The following SLFN14 variants were observed in gnomAD, a reference collection of about 807,000 sequenced individuals.
SLFN14 encodes protein SLFN14.
In SLFN14, 47 loss-of-function variants were observed where a neutral mutation model predicts 58.6. That is an observed-to-expected ratio of 0.80 (90% CI 0.64 to 1.02). SLFN14 has a LOEUF of 1.02. Among genes scored for constraint, SLFN14 ranks in the 50% least tolerant of loss-of-function variants. The pLI is 0.00. For missense variants in SLFN14, 967 were observed against 1,078.4 expected (o/e 0.90, Z 1.45); for synonymous variants, 390 against 387.3 (o/e 1.01, Z -0.08).
At position 35,546,368 on chromosome 17, in the gene SLFN14, AC is replaced by A. The variant is rs1055013760; in HGVS notation, c.*1870del. 6.6e-6 allele frequency among the ~76,000 whole-genome samples: 1 copy of A among 152,142 alleles called. No homozygotes were observed. Among genetic ancestry groups the A allele is most frequent in the African/African-American group, 2.4e-5 (1 of 41,438 alleles). On this transcript the variant is annotated 3_prime_UTR_variant, in exon 6 of 6. Transcript: ENST00000674182. ...AGCAAGGGAGAGGTTTTTCTTTTCA[AC>A]CCGTGCCTAGGTACAGACTAGCCCT...
At chr17:35,550,407 G>A (rs1166000348) in intron 5 of SLFN14, among the ~76,000 whole-genome samples, 5 of 152,102 alleles carry the variant, frequency 3.3e-5, no homozygotes, top group Non-Finnish European at 7.3e-5. Context: ...TTAGCTAGGC[G>A]TGGTGATGCA....
rs1334209563 is a variant in SLFN14, at chr17:35,544,233, T to C, written c.*4006A>G. 6.6e-6 allele frequency among the ~76,000 whole-genome samples: 1 copy of C among 152,172 alleles called. No homozygotes were observed. The highest frequency in any genetic ancestry group is 1.5e-5 in the Non-Finnish European group (1 of 68,046). The stretch of plus-strand genomic sequence containing the variant: ...TCTGTGCACATCAGAACTACTAACA[T>C]TCCAAGTCACATGACCAAGGCCACA... On this transcript the variant is annotated 3_prime_UTR_variant, in exon 6 of 6. Coordinates refer to ENST00000674182, the MANE Select transcript of SLFN14 (RefSeq NM_001129820.2).
In SLFN14 at chr17:35,548,421, TGG is replaced by T; in HGVS notation, c.2555_2556del (p.Ala852AspfsTer28). 6.4e-7 allele frequency: 1 copy of T among 1,551,716 alleles called. No individual in the cohort carries two copies. Among genetic ancestry groups the T allele is most frequent in the Non-Finnish European group, 8.7e-7 (1 of 1,146,992 alleles). ...ACAATGTGACTTCCCCAAACACCGGTGGCCGGGCTAAACACAACCTCTGATGG... is the reference window on the plus strand; with the variant it reads ...ACAATGTGACTTCCCCAAACACCGGTCCGGGCTAAACACAACCTCTGATGG... ...HRPSEVVFSP[A>X]TGVWGSHIVL... On this transcript the variant is annotated frameshift_variant, in exon 6 of 6. Transcript: ENST00000674182. LOFTEE classifies it high-confidence loss of function.
rs321611 is a variant in SLFN14, at chr17:35,554,434, T to G, written c.1189+142A>C. 161,369 of 217,682 alleles carry G rather than the reference T, an allele frequency of 0.74. 61,323 individuals are homozygous for G. Among genetic ancestry groups the G allele is most frequent in the African/African-American group, 0.95 (39,092 of 41,366 alleles). 13.5% of individuals were successfully genotyped at this position (217,682 alleles called of 1,614,324 possible). Reference sequence around the variant, plus strand: ...TATATTATATATATAATATATATATTTCAAATTTCAGGATCATTATGTCGC... The same window carrying G: ...TATATTATATATATAATATATATATGTCAAATTTCAGGATCATTATGTCGC... On this transcript the variant is annotated intron_variant, in intron 4 of 5. Transcript: ENST00000674182.
Position 35,548,180 on chromosome 17 carries a change from A to G in SLFN14, c.*59T>C. On this transcript the variant is annotated 3_prime_UTR_variant, in exon 6 of 6. Coordinates refer to ENST00000674182, the MANE Select transcript of SLFN14 (RefSeq NM_001129820.2). ...GTAATATTAAAATGGAGTCACTGCT[A>G]CCTGTCTAGGAGAAAGGACTCTGCT... 1 of 1,450,800 alleles carries G rather than the reference A, an allele frequency of 6.9e-7. No homozygotes were observed. Among genetic ancestry groups the G allele is most frequent in the Non-Finnish European group, 9.3e-7 (1 of 1,076,788 alleles). 89.9% of individuals were successfully genotyped at this position (1,450,800 alleles called of 1,614,324 possible).
Position 35,548,578 on chromosome 17 carries a change from T to G in SLFN14, c.2400A>C (p.Arg800Ser). 6.4e-7 allele frequency: 1 copy of G among 1,551,770 alleles called. No individual in the cohort carries two copies. The highest frequency in any genetic ancestry group is 8.7e-7 in the Non-Finnish European group (1 of 1,147,004). Residue 800 changes from arginine (R) to serine (S), a missense_variant, in exon 6 of 6, where the codon AGA becomes AGC. Arg to Ser is a moderately radical substitution (Grantham distance 110). Transcript: ENST00000674182. ...TTEQIANYVA[R>S]KCHSLFQCGY... ...CACACTGGAACAGGCTGTGACATTT[T>G]CTTGCCACATAGTTAGCTATTTGTT...
rs1386717592 is a variant in SLFN14 at position 35,544,463 on chromosome 17, A to G, written c.*3776T>C. On this transcript the variant is annotated 3_prime_UTR_variant, in exon 6 of 6. Coordinates refer to ENST00000674182, the MANE Select transcript of SLFN14 (RefSeq NM_001129820.2). ...GTGAAAATATTTTTCCATATCAACAAAGAATAGAAATAAATAAGCAAAAAT... is the reference window on the plus strand; with the variant it reads ...GTGAAAATATTTTTCCATATCAACAGAGAATAGAAATAAATAAGCAAAAAT... Among the ~76,000 whole-genome samples the G allele has an allele frequency of 6.6e-6, 1 of 152,184 alleles. No individual in the cohort carries two copies. Among genetic ancestry groups the G allele is most frequent in the African/African-American group, 2.4e-5 (1 of 41,438 alleles).
chr17:35,559,053 TA>T (rs33995321), intron 2 of SLFN14, among the ~76,000 whole-genome samples: 636 of 139,986 alleles, frequency 4.5e-3, no homozygotes, highest in Middle Eastern at 0.011. Flanking sequence ...CGACAAAAGA[TA>T]AAAAAAAAAA....
Position 35,547,489 on chromosome 17 carries a change from G to A in SLFN14, c.*750C>T, listed in dbSNP as rs1431376927. Among the ~76,000 whole-genome samples the A allele has an allele frequency of 6.6e-6, 1 of 152,112 alleles. No individual in the cohort carries two copies. The highest frequency in any genetic ancestry group is 2.4e-5 in the African/African-American group (1 of 41,426). ...ATTTGGCTTCCTATATTACTGTTGA[G>A]GGCACTGATTAGCAAAAGCATTTGA... On this transcript the variant is annotated 3_prime_UTR_variant, in exon 6 of 6. Coordinates refer to ENST00000674182, the MANE Select transcript of SLFN14 (RefSeq NM_001129820.2).
chr17:35,557,937 A>G lies in SLFN14; in HGVS notation c.126T>C (p.Asn42=). 6.4e-7 allele frequency: 1 copy of G among 1,551,658 alleles called. No homozygotes were observed. The highest frequency in any genetic ancestry group is 1.2e-5 in the South Asian group (1 of 84,058). Reference sequence around the variant, plus strand: ...CACATATAGCCCGGATAATTCTAGAATTCTCAGATCTTTTCAAACAGCTGT... The same window carrying G: ...CACATATAGCCCGGATAATTCTAGAGTTCTCAGATCTTTTCAAACAGCTGT... ...MTNSCLKRSE[N]SRIIRAICAL... Residue 42 remains asparagine (N), a synonymous_variant, in exon 3 of 6, where the codon AAT becomes AAC. Transcript: ENST00000674182.
intron 4 of SLFN14, 63 bp downstream of exon 4, chr17:35,554,513 A>G: frequency 2.8e-6 from 4 of 1,428,856 alleles, no homozygotes; most frequent in East Asian, 2.8e-5. Context: ...CATTACTACT[A>G]ACACCTCCCA....
Position 35,557,661 on chromosome 17 carries a change from A to C in SLFN14, c.402T>G (p.Asp134Glu). Residue 134 changes from aspartate (D) to glutamate (E), a missense_variant, in exon 3 of 6, where the codon GAT becomes GAG. Physicochemically the swap from Asp to Glu is conservative, Grantham distance 45 (BLOSUM62 2). Coordinates refer to ENST00000674182, the MANE Select transcript of SLFN14 (RefSeq NM_001129820.2). ...CACTCAAGTTGATAGCAGAAGTCAC[A>C]TCTCTCCGATACAAATTGGAGCGCA... ...CSLRSNLYRR[D>E]VTSAINLSAS... The C allele has an allele frequency of 6.4e-7, 1 of 1,551,734 alleles. No individual in the cohort carries two copies. The highest frequency in any genetic ancestry group is 8.7e-7 in the Non-Finnish European group (1 of 1,146,984).
chr17:35,554,838 A>T (rs1038379942), intron 3 of SLFN14, 134 bp from the exon 4 acceptor site: 2 of 646,368 alleles, frequency 3.1e-6, no homozygotes, highest in African/African-American at 3.8e-5. Flanking sequence ...CGTACTTACT[A>T]TGCGTCAGAC....
chr17:35,554,954 C>T (rs2072637171), intron 3 of SLFN14, among the ~76,000 whole-genome samples: 1 of 152,124 alleles, frequency 6.6e-6, no homozygotes, highest in Non-Finnish European at 1.5e-5. Context: ...TTTCACCTCT[C>T]TCTCACGCTG....
intron 5 of SLFN14, 68 bp from the exon 6 acceptor site, chr17:35,549,141 T>G: frequency 4.0e-6 from 5 of 1,240,490 alleles, no homozygotes; most frequent in East Asian, 2.5e-5. Flanking sequence ...CATTACTCTC[T>G]GGAATGGAAT....
Position 35,552,937 on chromosome 17 carries a change from T to C in SLFN14, c.1697A>G (p.Glu566Gly). ...CTCCATTATGAGCAAGTTGAAAAATTCACAGCCCATCTGGTCACTCAGAAG... is the reference window on the plus strand; with the variant it reads ...CTCCATTATGAGCAAGTTGAAAAATCCACAGCCCATCTGGTCACTCAGAAG... Reference protein sequence around the residue: ...RSLLSDQMGCEFFNLLIMEQS... With the variant: ...RSLLSDQMGCGFFNLLIMEQS... Residue 566 changes from glutamate to glycine, a missense_variant, in exon 5 of 6, where the codon GAA (glutamate) becomes GGA (glycine). Physicochemically the swap from Glu to Gly is moderately conservative, Grantham distance 98 (BLOSUM62 -2). Coordinates refer to ENST00000674182, the MANE Select transcript of SLFN14 (RefSeq NM_001129820.2). The C allele has an allele frequency of 2.6e-6, 4 of 1,551,500 alleles. No homozygotes were observed. Among genetic ancestry groups the C allele is most frequent in the Non-Finnish European group, 3.5e-6 (4 of 1,146,970 alleles).
In SLFN14 at chr17:35,557,352, G is replaced by A; in HGVS notation, c.711C>T (p.Asn237=). Residue 237 remains asparagine, a synonymous_variant, in exon 3 of 6, where the codon AAC becomes AAT. Transcript: ENST00000674182. ...CAATGAGGACATATCCCCCTTGAGT[G>A]TTGGCAAATGCAGAAACATAATGAG... ...MLPHYVSAFA[N]TQGGYVLIGV... The A allele has an allele frequency of 6.4e-7, 1 of 1,551,674 alleles. No individual in the cohort carries two copies. The highest frequency in any genetic ancestry group is 8.7e-7 in the Non-Finnish European group (1 of 1,146,990).
Position 35,548,063 on chromosome 17 carries a change from G to A in SLFN14, c.*176C>T, listed in dbSNP as rs539761279. On this transcript the variant is annotated 3_prime_UTR_variant, in exon 6 of 6. Coordinates refer to ENST00000674182, the MANE Select transcript of SLFN14 (RefSeq NM_001129820.2). ...TAGGAGGTGAAGGAAATTGTGAAAA[G>A]GCCAGTGGCATTGAAATAGAGTGGA... The A allele has an allele frequency of 9.7e-5, 62 of 642,204 alleles. No homozygotes were observed. The East Asian group carries it at 1.7e-3, about 18-fold the overall frequency. The allele number at this position is 642,204 out of a possible 1,614,324, so 39.8% of individuals were successfully genotyped here.
chr17:35,557,753 T>C lies in SLFN14; in HGVS notation c.310A>G (p.Asn104Asp). The C allele has an allele frequency of 6.4e-7, 1 of 1,551,702 alleles. No homozygotes were observed. Among genetic ancestry groups the C allele is most frequent in the South Asian group, 1.2e-5 (1 of 84,058 alleles). ...CATGACTTCACAAAAATCAGGAGATTGTGCCCCTGCTGCATGTAGTCAAGG... is the reference window on the plus strand; with the variant it reads ...CATGACTTCACAAAAATCAGGAGATCGTGCCCCTGCTGCATGTAGTCAAGG... ...KYLDYMQQGHNLLIFVKSWSP... is the reference protein window; with the variant it reads ...KYLDYMQQGHDLLIFVKSWSP... Residue 104 changes from asparagine to aspartate, a missense_variant, in exon 3 of 6, where the codon AAT (asparagine) becomes GAT (aspartate). Physicochemically the swap from Asn to Asp is conservative, Grantham distance 23. Transcript: ENST00000674182.
Sources: gnomAD v4.1 joint callset for allele counts (sites outside exome capture counted in the v4.1 genomes callset) on GRCh38, gnomAD v4.1.1 for gene constraint, MANE v1.5 for transcripts, NCBI Gene and HGNC (gene_info 2026-07-23, HGNC 2026-07-21) for gene names.